The following CTNNA1 variants were observed in gnomAD, a reference collection of about 807,000 sequenced individuals.
CTNNA1 encodes the protein catenin alpha 1.
Under a neutral mutation model 98.4 loss-of-function variants are expected in CTNNA1, and 37 were observed. That is an observed-to-expected ratio of 0.38 (90% CI 0.29 to 0.49). The LOEUF is 0.49. Ranked by LOEUF, CTNNA1 falls within the 20% of genes least tolerant of loss-of-function variation. The pLI is 0.95. For missense variants in CTNNA1, 761 were observed against 1,147.2 expected (o/e 0.66, Z 4.86); for synonymous variants, 404 against 413.2 (o/e 0.98, Z 0.27).
chr5:138,813,342 C>T (rs1759041370), intron 5 of CTNNA1, among the ~76,000 whole-genome samples: 1 of 152,192 alleles, frequency 6.6e-6, no homozygotes, highest in African/African-American at 2.4e-5. Flanking sequence ...AATCTAGAAG[C>T]TCCTAGTAGA....
chr5:138,900,815 C>G (rs926094759), intron 9 of CTNNA1, among the ~76,000 whole-genome samples: 4 of 152,018 alleles, frequency 2.6e-5, no homozygotes, highest in African/African-American at 7.3e-5. Context: ...CCAGCAAAAC[C>G]CAAGGCCGAT....
chr5:138,855,663 TCTTTA>T (rs1407905887), intron 7 of CTNNA1, among the ~76,000 whole-genome samples: 1 of 152,180 alleles, frequency 6.6e-6, no homozygotes. Flanking sequence ...TGAGACAAGG[TCTTTA>T]CTTTGTCACT....
chr5:138,798,735 A>G (rs997683435), intron 3 of CTNNA1, among the ~76,000 whole-genome samples: 4 of 152,146 alleles, frequency 2.6e-5, no homozygotes, highest in African/African-American at 9.7e-5. Context: ...AGAGAACATC[A>G]GGGGATGACA....
At position 138,758,907 on chromosome 5, in the gene CTNNA1, G is replaced by T. The variant is rs200831225; in HGVS notation, c.-3+5397G>T. ...ACTGCACTGCCTCCTGGCTTTAAGC[G>T]ATTCTCCTGCCTCAGCCTCTTGAGT... On this transcript the variant is annotated intron_variant, in intron 1 of 17. Transcript: ENST00000302763. 4.0e-4 allele frequency among the ~76,000 whole-genome samples: 61 copies of T among 151,864 alleles called. 1 individual carries two copies. The East Asian group carries it at 9.9e-3, about 25-fold the overall frequency.
chr5:138,818,961 C>T (rs1759731263), intron 5 of CTNNA1, among the ~76,000 whole-genome samples: 1 of 152,114 alleles, frequency 6.6e-6, no homozygotes, highest in Admixed American at 6.5e-5. Context: ...TGTCAGTTGC[C>T]CATAAAGCCA....
At chr5:138,782,649 G>T (rs3804206) in intron 2 of CTNNA1, among the ~76,000 whole-genome samples, 5,594 of 152,266 alleles carry the variant, frequency 0.037, 274 homozygotes, top group African/African-American at 0.12. Context: ...TGATGGTAAT[G>T]TTCTAAGACA....
At chr5:138,885,084 A>G (rs1041001727) in intron 7 of CTNNA1, among the ~76,000 whole-genome samples, 1 of 152,168 alleles carries the variant, frequency 6.6e-6, no homozygotes, top group African/African-American at 2.4e-5. Flanking sequence ...ATATCCCTCA[A>G]TATTTCTAAC....
intron 7 of CTNNA1, among the ~76,000 whole-genome samples, chr5:138,864,063 A>T (rs1188723588): frequency 6.6e-6 from 1 of 152,172 alleles, no homozygotes; most frequent in Non-Finnish European, 1.5e-5. Flanking sequence ...CTGAGACTCA[A>T]GTGATCCTCC....
In CTNNA1 at chr5:138,767,113, T is replaced by G. The variant is rs563755262; in HGVS notation, c.-3+13603T>G. ...GTGCAGTGGCGTGATCTTGGCTCACTGCAAGCTCCTCCTCCCGGGTTCACG... is the reference window on the plus strand; with the variant it reads ...GTGCAGTGGCGTGATCTTGGCTCACGGCAAGCTCCTCCTCCCGGGTTCACG... On this transcript the variant is annotated intron_variant, in intron 1 of 17. Transcript: ENST00000302763. 1.5e-3 allele frequency among the ~76,000 whole-genome samples: 226 copies of G among 152,256 alleles called. 1 individual carries two copies. Among genetic ancestry groups the G allele is most frequent in the African/African-American group, 5.3e-3 (221 of 41,548 alleles).
intron 3 of CTNNA1, among the ~76,000 whole-genome samples, chr5:138,796,519 G>A (rs1358253054): frequency 2.7e-5 from 4 of 148,442 alleles, no homozygotes; most frequent in Non-Finnish European, 4.4e-5. Context: ...ACTCCAGCCT[G>A]AGCGACTGAG....
At chr5:138,801,293 T>C (rs979929426) in intron 3 of CTNNA1, among the ~76,000 whole-genome samples, 2 of 152,210 alleles carry the variant, frequency 1.3e-5, no homozygotes, top group Admixed American at 1.3e-4. Context: ...TAAGTTTTGA[T>C]TGGTTAACTT....
intron 3 of CTNNA1, chr5:138,791,177 T>C (rs1319753594): frequency 6.6e-6 from 1 of 152,208 alleles, no homozygotes; most frequent in East Asian, 1.9e-4. Context: ...GAAACGTTTC[T>C]TTTTAGGTTT....
intron 17 of CTNNA1, chr5:138,933,088 G>T: frequency 1.5e-6 from 1 of 684,972 alleles, no homozygotes; most frequent in South Asian, 1.6e-5. Context: ...GAGCCGAGAT[G>T]GCACCACTGC....
Position 138,852,097 on chromosome 5 carries a change from T to G in CTNNA1, c.1062+24379T>G, listed in dbSNP as rs1763240810. Among the ~76,000 whole-genome samples the G allele has an allele frequency of 3.3e-5, 5 of 151,958 alleles. No homozygotes were observed. The South Asian group carries it at 1.0e-3, about 32-fold the overall frequency. ...AAAAAATAAAAAATAAATAAATAAA[T>G]AAATATATAACATGGGTGCTACCCA... On this transcript the variant is annotated intron_variant, in intron 7 of 17. Transcript: ENST00000302763.
chr5:138,781,779 T>A, intron 1 of CTNNA1, 144 bp from the exon 2 acceptor site: 1 of 642,782 alleles, frequency 1.6e-6, no homozygotes, highest in Non-Finnish European at 2.5e-6. Context: ...TTACTGGGTC[T>A]TCATGTGTAG....
At position 138,812,259 on chromosome 5, in the gene CTNNA1, C is replaced by T; in HGVS notation, c.545C>T (p.Pro182Leu). Residue 182 changes from proline (P) to leucine (L), a missense_variant, in exon 5 of 18, where the codon CCT (proline) becomes CTT (leucine). This residue lies in a region of CTNNA1 where 328 missense variants were observed against 354.3 expected (regional missense o/e 0.93). Transcript: ENST00000302763. ...GGAATCCAGTATAAAGCCCTAAAAC[C>T]TGAAGTGGATAAGCTGAACATTATG... ...DLGIQYKALK[P>L]EVDKLNIMAA... 1.9e-6 allele frequency: 3 copies of T among 1,613,860 alleles called. No individual in the cohort carries two copies. Among genetic ancestry groups the T allele is most frequent in the African/African-American group, 2.7e-5 (2 of 75,000 alleles).
intron 7 of CTNNA1, among the ~76,000 whole-genome samples, chr5:138,882,959 G>A (rs1224914496): frequency 6.6e-6 from 1 of 152,200 alleles, no homozygotes; most frequent in Non-Finnish European, 1.5e-5. Flanking sequence ...CTCCCGAGTA[G>A]CTGGGATTAC....
intron 1 of CTNNA1, among the ~76,000 whole-genome samples, chr5:138,781,138 C>T (rs1755052977): frequency 6.6e-6 from 1 of 152,132 alleles, no homozygotes; most frequent in Non-Finnish European, 1.5e-5. Context: ...ACAAGTCCTT[C>T]TCTAGGAATC....
At chr5:138,789,091 T>G (rs1756047556) in intron 3 of CTNNA1, among the ~76,000 whole-genome samples, 1 of 152,158 alleles carries the variant, frequency 6.6e-6, no homozygotes, top group Non-Finnish European at 1.5e-5. Flanking sequence ...GAAGCTTGTG[T>G]CAGGGAAATA....
Sources: allele counts gnomAD v4.1 joint callset (sites outside exome capture counted in the v4.1 genomes callset), GRCh38; gene constraint gnomAD v4.1.1; regional missense constraint gnomAD v4.1.1; transcripts MANE v1.5; gene names NCBI Gene and HGNC (gene_info 2026-07-23, HGNC 2026-07-21).